Variants in ARAP1 observed in about 807,000 individuals in gnomAD.
ARAP1 encodes the protein arf-GAP with Rho-GAP domain, ANK repeat and PH domain-containing protein 1.
In ARAP1, 76 loss-of-function variants were observed where a neutral mutation model predicts 172.2. The observed-to-expected ratio is 0.44, with a 90% CI of 0.37 to 0.53. ARAP1 has a LOEUF of 0.53. Ranked by LOEUF, ARAP1 falls within the 20% of genes least tolerant of loss-of-function variation. The pLI, the probability that ARAP1 is intolerant of heterozygous loss-of-function variation, is 0.00. For synonymous variants in ARAP1, 804 were observed against 803.3 expected, an observed-to-expected ratio of 1.00 and a Z score of -0.01; for missense variants, 1,686 against 1,977.5, an observed-to-expected ratio of 0.85 and a Z score of 2.80.
chr11:72,695,336 C>CCAGG lies in ARAP1; in HGVS notation c.3576+50_3576+51insCCTG. 1 of 1,611,696 alleles carries CCAGG rather than the reference C, an allele frequency of 6.2e-7. No individual in the cohort carries two copies. The highest frequency in any genetic ancestry group is 8.5e-7 in the Non-Finnish European group (1 of 1,178,230). On this transcript the variant is annotated intron_variant, in intron 26 of 34. Coordinates refer to ENST00000393609, the MANE Select transcript of ARAP1 (RefSeq NM_001040118.3). This position sits in a 1 kb window ranked among gnomAD's most constrained non-coding sequence, Gnocchi z 4.4. ...CTCCCCTGGCCATCTGAGCCTGTAC[C>CCAGG]TGGCCCAGCCTGATTCTCTAGCCCC...
At chr11:72,712,706 C>T in intron 5 of ARAP1, 138 bp from the exon 6 acceptor site, 1 of 1,396,094 alleles carries the variant, frequency 7.2e-7, no homozygotes, top group African/African-American at 1.4e-5. Flanking sequence ...CTCACACTCC[C>T]CTCCCCCTGC....
rs983980619 is a variant in ARAP1 at position 72,725,363 on chromosome 11, T to C, written c.509+1257A>G. Among the ~76,000 whole-genome samples the C allele has an allele frequency of 6.6e-6, 1 of 151,312 alleles. No homozygotes were observed. Among genetic ancestry groups the C allele is most frequent in the African/African-American group, 2.4e-5 (1 of 41,158 alleles). On this transcript the variant is annotated intron_variant, in intron 3 of 34. Transcript: ENST00000393609. This position sits in a 1 kb window ranked among gnomAD's most constrained non-coding sequence, Gnocchi z 4.3. ...CCCCCACAAGCTGATGGGGTTGAAA[T>C]AGAAAACGCTCCTGCATGCAGAAGA...
At chr11:72,714,439 C>G in intron 3 of ARAP1, 118 bp from the exon 4 acceptor site, 1 of 1,007,416 alleles carries the variant, frequency 9.9e-7, no homozygotes, top group Non-Finnish European at 1.4e-6. Context: ...CTCACACAGA[C>G]AGGAGCCCTC....
chr11:72,742,521 G>A (rs567513003), intron 1 of ARAP1, among the ~76,000 whole-genome samples: 3 of 152,174 alleles, frequency 2.0e-5, no homozygotes, highest in Non-Finnish European at 4.4e-5. Context: ...GCCCAGGGAG[G>A]AGAAGGGGAG....
At chr11:72,722,728 C>G (rs1448367359) in intron 3 of ARAP1, among the ~76,000 whole-genome samples, 1 of 152,204 alleles carries the variant, frequency 6.6e-6, no homozygotes, top group Non-Finnish European at 1.5e-5. Flanking sequence ...TCCTGAGGTG[C>G]CTCCAGGCAT....
At position 72,712,344 on chromosome 11, in the gene ARAP1, C is replaced by G. The variant is rs369982548; in HGVS notation, c.879-5G>C. The G allele has an allele frequency of 1.9e-6, 3 of 1,542,358 alleles. No individual in the cohort carries two copies. Among genetic ancestry groups the G allele is most frequent in the South Asian group, 2.5e-5 (2 of 81,328 alleles). ...CTGCTGGTATGCCATCCGCCACTAG[C>G]GAGAGATGAGGGGATGGGGGGCCGG... On this transcript the variant is annotated splice_region_variant and splice_polypyrimidine_tract_variant and intron_variant, in intron 6 of 34. Transcript: ENST00000393609.
intron 1 of ARAP1, among the ~76,000 whole-genome samples, chr11:72,738,768 C>A (rs567633906): frequency 1.3e-5 from 2 of 152,118 alleles, no homozygotes; most frequent in Non-Finnish European, 2.9e-5. Flanking sequence ...GCACACCTCA[C>A]ACTACCTCAA....
At position 72,726,605 on chromosome 11, in the gene ARAP1, G is replaced by A; in HGVS notation, c.509+15C>T. On this transcript the variant is annotated intron_variant, in intron 3 of 34. Coordinates refer to ENST00000393609, the MANE Select transcript of ARAP1 (RefSeq NM_001040118.3). The surrounding 1 kb of genome is among the most constrained non-coding windows in gnomAD (Gnocchi z 6.5). ...TCTGCCTGTGCGCCTCCCACCCTGG[G>A]TGGCATCCACTCACCTCACCAGCAG... 1 of 1,485,090 alleles carries A rather than the reference G, an allele frequency of 6.7e-7. No individual in the cohort carries two copies. 92.0% of individuals were successfully genotyped at this position (1,485,090 alleles called of 1,614,324 possible). A position where few individuals can be genotyped will look rare whatever the true frequency, so the allele number is the denominator to read the frequency against.
At chr11:72,739,905 C>T (rs1858150667) in intron 1 of ARAP1, among the ~76,000 whole-genome samples, 1 of 152,166 alleles carries the variant, frequency 6.6e-6, no homozygotes, top group Non-Finnish European at 1.5e-5. Flanking sequence ...CTGCAGAGCT[C>T]CAGACCAGAC....
chr11:72,713,356 C>A, intron 4 of ARAP1, 113 bp from the exon 5 acceptor site: 1 of 963,022 alleles, frequency 1.0e-6, no homozygotes, highest in Non-Finnish European at 1.6e-6. Context: ...ATCCCCACCT[C>A]CCCCTGGCTT....
In ARAP1 at chr11:72,712,449, C is replaced by G; in HGVS notation, c.867G>C (p.Glu289Asp). 2 of 1,588,620 alleles carry G rather than the reference C, an allele frequency of 1.3e-6. No individual in the cohort carries two copies. The highest frequency in any genetic ancestry group is 1.7e-6 in the Non-Finnish European group (2 of 1,162,816). Residue 289 changes from glutamate (E) to aspartate (D), a missense_variant, in exon 6 of 35, where the codon GAG becomes GAC. Transcript: ENST00000393609. Reference protein sequence around the residue: ...GDEEEDDHAYEGVPNGGWHTS... With the variant: ...GDEEEDDHAYDGVPNGGWHTS... ...GGCCGGACACTCACTTGGGGACGCCCTCATAGGCGTGGTCATCCTCTTCCT... is the reference window on the plus strand; with the variant it reads ...GGCCGGACACTCACTTGGGGACGCCGTCATAGGCGTGGTCATCCTCTTCCT...
intron 1 of ARAP1, among the ~76,000 whole-genome samples, chr11:72,739,262 C>G (rs1858130889): frequency 6.6e-6 from 1 of 152,158 alleles, no homozygotes; most frequent in Non-Finnish European, 1.5e-5. Flanking sequence ...ACTGGGGTCT[C>G]CTGTCCTACC....
intron 3 of ARAP1, chr11:72,721,853 C>CA: frequency 1.0e-6 from 1 of 985,728 alleles, no homozygotes; most frequent in South Asian, 4.7e-5. Context: ...CGCTTACCCT[C>CA]AGACGCCTGC....
intron 2 of ARAP1, among the ~76,000 whole-genome samples, chr11:72,730,900 A>G (rs1007075522): frequency 1.3e-5 from 2 of 152,236 alleles, no homozygotes; most frequent in Non-Finnish European, 2.9e-5. Context: ...TGTGCAATAG[A>G]ATACTGAGCG....
intron 5 of ARAP1, 27 bp downstream of exon 5, chr11:72,713,149 G>A: frequency 6.2e-7 from 1 of 1,612,394 alleles, no homozygotes; most frequent in East Asian, 2.2e-5. Context: ...CACCCTGACA[G>A]GCAGACAGTC....
Position 72,698,072 on chromosome 11 carries a change from G to C in ARAP1, c.2576C>G (p.Ala859Gly). ...GCGTCCCAGCCGCTCAAAATCCCGG[G>C]CCAGCAGATCCTCGGCTAGGGGAGG... ...FVPPLAEDLL[A>G]RDFERLGRLP... Residue 859 changes from alanine (A) to glycine (G), a missense_variant, in exon 19 of 35, where the codon GCC becomes GGC. By Grantham distance (60) the Ala-to-Gly change is moderately conservative. Around this residue, in one of 5 missense-constraint regions of ARAP1, gnomAD observed 688 missense variants for 856.9 expected, o/e 0.80. Coordinates refer to ENST00000393609, the MANE Select transcript of ARAP1 (RefSeq NM_001040118.3). 2 of 1,605,840 alleles carry C rather than the reference G, an allele frequency of 1.2e-6. No homozygotes were observed. Among genetic ancestry groups the C allele is most frequent in the Non-Finnish European group, 1.7e-6 (2 of 1,176,696 alleles).
At chr11:72,721,439 C>A (rs2135563337) in intron 3 of ARAP1, among the ~76,000 whole-genome samples, 1 of 152,260 alleles carries the variant, frequency 6.6e-6, no homozygotes, top group East Asian at 1.9e-4. Context: ...CCAACGAATC[C>A]CCAGAGGGGT....
At chr11:72,736,050 A>T (rs1858013278) in intron 1 of ARAP1, among the ~76,000 whole-genome samples, 1 of 152,196 alleles carries the variant, frequency 6.6e-6, no homozygotes, top group Non-Finnish European at 1.5e-5. Flanking sequence ...GCTAAGCCAC[A>T]CTGCAGCCTG....
At chr11:72,707,628 T>C (rs1197148808) in intron 11 of ARAP1, among the ~76,000 whole-genome samples, 1 of 151,742 alleles carries the variant, frequency 6.6e-6, no homozygotes, top group Non-Finnish European at 1.5e-5. Context: ...GGGAAGAAAA[T>C]GATGCCTGAG....
Sources: allele counts gnomAD v4.1 joint callset (sites outside exome capture counted in the v4.1 genomes callset), GRCh38; gene constraint gnomAD v4.1.1; regional missense constraint gnomAD v4.1.1; non-coding constraint Gnocchi (gnomAD v3.1); transcripts MANE v1.5; gene names NCBI Gene and HGNC (gene_info 2026-07-23, HGNC 2026-07-21).